The following USP37 variants were observed in gnomAD, a reference collection of about 807,000 sequenced individuals.
USP37 encodes the protein ubiquitin carboxyl-terminal hydrolase 37.
A neutral mutation model predicts 124.0 loss-of-function variants in USP37; 27 were observed. The ratio of observed to expected loss-of-function variants is 0.22; its 90% CI spans 0.16 to 0.30. USP37 has a LOEUF of 0.30. Ranked by LOEUF, USP37 falls within the 10% of genes least tolerant of loss-of-function variation. The pLI, the probability that USP37 is intolerant of heterozygous loss-of-function variation, is 1.00. For synonymous variants in USP37, 365 were observed against 388.0 expected (o/e 0.94, Z 0.70); for missense variants, 889 against 1,140.4 (o/e 0.78, Z 3.17).
rs1177602700 is a variant in USP37 at position 218,453,467 on chromosome 2, T to C, written c.*1463A>G. ...AGAACTAAAGAATAATCCCCTTGTT[T>C]ATAATAAAAGAAAAAACACGAAAGA... On this transcript the variant is annotated 3_prime_UTR_variant, in exon 26 of 26. Transcript: ENST00000258399. 6.6e-6 allele frequency: 1 copy of C among 152,144 alleles called. No individual in the cohort carries two copies. Among genetic ancestry groups the C allele is most frequent in the Non-Finnish European group, 1.5e-5 (1 of 68,032 alleles). The allele number at this position is 152,144 out of a possible 1,614,324, so 9.4% of individuals were successfully genotyped here.
intron 8 of USP37, among the ~76,000 whole-genome samples, chr2:218,539,602 C>A (rs1349598769): frequency 2.0e-5 from 3 of 152,018 alleles, no homozygotes; most frequent in African/African-American, 7.2e-5. Context: ...GTAGTCCCAG[C>A]TGCCTGGGAG....
chr2:218,548,882 T>C (rs971606151), intron 6 of USP37, among the ~76,000 whole-genome samples: 5 of 152,194 alleles, frequency 3.3e-5, no homozygotes, highest in African/African-American at 7.2e-5. Context: ...TTAACACTTA[T>C]GCATTTAAAT....
Position 218,555,217 on chromosome 2 carries a change from G to C in USP37, c.157-1493C>G, listed in dbSNP as rs185227553. Among the ~76,000 whole-genome samples, 7 of 152,202 alleles carry C rather than the reference G, an allele frequency of 4.6e-5. No homozygotes were observed. The East Asian group carries it at 1.4e-3, about 29-fold the overall frequency. The stretch of plus-strand genomic sequence containing the variant: ...ATGTTCTCAGCAGGCATATATAAAA[G>C]TTTCTAAACTGCCTTTTACTGAAGA... On this transcript the variant is annotated intron_variant, in intron 4 of 25. Transcript: ENST00000258399.
chr2:218,544,520 A>T (rs1291448818), intron 8 of USP37, among the ~76,000 whole-genome samples: 2 of 149,628 alleles, frequency 1.3e-5, no homozygotes, highest in African/African-American at 2.5e-5. Context: ...AACTTGGATG[A>T]AGCAGGCTAT....
intron 5 of USP37, 75 bp downstream of exon 5, chr2:218,553,478 T>C: frequency 7.4e-7 from 1 of 1,352,166 alleles, no homozygotes; most frequent in Non-Finnish European, 9.9e-7. Flanking sequence ...ATGAATTCAG[T>C]TGAATATTGG....
chr2:218,467,129 T>C (rs987758399), intron 20 of USP37, among the ~76,000 whole-genome samples: 3 of 152,018 alleles, frequency 2.0e-5, no homozygotes, highest in Admixed American at 6.6e-5. Context: ...TATGGCAATA[T>C]ACAGTGTGTG....
rs778271828 is a variant in USP37, at chr2:218,485,741, G to C, written c.1593C>G (p.Ala531=). 4 of 1,607,756 alleles carry C rather than the reference G, an allele frequency of 2.5e-6. No homozygotes were observed. The highest frequency in any genetic ancestry group is 3.4e-6 in the Non-Finnish European group (4 of 1,178,470). The change falls in exon 16 of 26, where the codon GCC becomes GCG. Residue 531 remains alanine, a splice_region_variant and synonymous_variant. Coordinates refer to ENST00000258399, the MANE Select transcript of USP37 (RefSeq NM_020935.3). ...IQDSLDLFFR[A]EELEYSCEKC... is the part of the protein sequence containing the mutation. ...TCTCACAAGAATACTCCAGTTCTTCGGCCTATAAAAAGAAGGAAAAATAAA... is the reference window on the plus strand; with the variant it reads ...TCTCACAAGAATACTCCAGTTCTTCCGCCTATAAAAAGAAGGAAAAATAAA...
rs750321938 is a variant in USP37 at position 218,547,002 on chromosome 2, A to G, written c.519T>C (p.Thr173=). The change falls in exon 7 of 26, where the codon ACT becomes ACC. Residue 173 remains threonine (T), a synonymous_variant. Coordinates refer to ENST00000258399, the MANE Select transcript of USP37 (RefSeq NM_020935.3). Reference sequence around the variant, plus strand: ...TCCGAGCTATTCCACTTCCTGCTACAGTCTTAATCGATCCTCTACCCGGAT... The same window carrying G: ...TCCGAGCTATTCCACTTCCTGCTACGGTCTTAATCGATCCTCTACCCGGAT... ...LGNPGRGSIK[T]VAGSGIARTI... 10 of 1,613,744 alleles carry G rather than the reference A, an allele frequency of 6.2e-6. No individual in the cohort carries two copies. Among genetic ancestry groups the G allele is most frequent in the Non-Finnish European group, 7.6e-6 (9 of 1,179,944 alleles).
In USP37 at chr2:218,546,920, G is replaced by A. The variant is rs1038419666; in HGVS notation, c.601C>T (p.Arg201Cys). The A allele has an allele frequency of 3.1e-6, 5 of 1,606,446 alleles. No individual in the cohort carries two copies. The highest frequency in any genetic ancestry group is 1.3e-5 in the African/African-American group (1 of 74,408). The change falls in exon 7 of 26, where the codon CGT becomes TGT. Residue 201 changes from arginine (R) to cysteine (C), a missense_variant and splice_region_variant. Arg to Cys is a radical substitution (Grantham distance 180, BLOSUM62 -3). Coordinates refer to ENST00000258399, the MANE Select transcript of USP37 (RefSeq NM_020935.3). The stretch of plus-strand genomic sequence containing the variant: ...GACTAAGAAAAAAGTCTCTCCTACC[G>A]ATTTTCTAGCAACCCTGATCTAAGA... ...TPLRSGLLENRTEKRKRMIST... is the reference protein window; with the variant it reads ...TPLRSGLLENCTEKRKRMIST...
chr2:218,549,974 T>C, intron 5 of USP37, 65 bp from the exon 6 acceptor site: 1 of 1,221,812 alleles, frequency 8.2e-7, no homozygotes, highest in South Asian at 1.6e-5. Flanking sequence ...AAAAGATTTA[T>C]CATTATTATT....
intron 14 of USP37, among the ~76,000 whole-genome samples, chr2:218,493,486 T>C (rs922629573): frequency 6.6e-6 from 1 of 152,080 alleles, no homozygotes; most frequent in Non-Finnish European, 1.5e-5. Flanking sequence ...TCTTTCTTTT[T>C]TTGAGATGGA....
At chr2:218,520,174 G>A (rs1197802913) in intron 10 of USP37, among the ~76,000 whole-genome samples, 2 of 151,648 alleles carry the variant, frequency 1.3e-5, no homozygotes, top group Admixed American at 6.6e-5. Context: ...CTGACCTCAT[G>A]TGATCCACCC....
In USP37 at chr2:218,462,731, T is replaced by G. The variant is rs76452591; in HGVS notation, c.2527+575A>C. ...ATTAAAAAACATATTGTTAGAGATA[T>G]GGGTATAGATGACAAAAATTATTTT... On this transcript the variant is annotated intron_variant, in intron 22 of 25. Coordinates refer to ENST00000258399, the MANE Select transcript of USP37 (RefSeq NM_020935.3). 1.6e-4 allele frequency among the ~76,000 whole-genome samples: 25 copies of G among 152,124 alleles called. No individual in the cohort carries two copies. In the East Asian group the frequency reaches 4.8e-3, roughly 29 times the overall value.
chr2:218,461,966 G>C (rs1559161475), intron 22 of USP37, among the ~76,000 whole-genome samples: 1 of 152,176 alleles, frequency 6.6e-6, no homozygotes, highest in African/African-American at 2.4e-5. Context: ...AGACCTGCCT[G>C]GCCAACATGG....
In USP37 at chr2:218,454,632, C is replaced by G. The variant is rs865998188; in HGVS notation, c.*298G>C. 4.1e-5 allele frequency: 11 copies of G among 269,142 alleles called. No homozygotes were observed. Among genetic ancestry groups the G allele is most frequent in the Non-Finnish European group, 6.1e-5 (9 of 146,386 alleles). 16.7% of individuals were successfully genotyped at this position (269,142 alleles called of 1,614,324 possible). A position where few individuals can be genotyped will look rare whatever the true frequency, so the allele number is the denominator to read the frequency against. On this transcript the variant is annotated 3_prime_UTR_variant, in exon 26 of 26. Transcript: ENST00000258399. ...TCATCCCGTGTGTGTGTGTGTGTGT[C>G]TGTGTGTGTGTATACACACATACAC...
rs377397246 is a variant in USP37, at chr2:218,544,430, T to TATAGAG, written c.680+1790_680+1791insCTCTAT. Among the ~76,000 whole-genome samples, 124 of 50,800 alleles carry TATAGAG rather than the reference T, an allele frequency of 2.4e-3. 1 individual carries two copies. Among genetic ancestry groups the TATAGAG allele is most frequent in the African/African-American group, 9.2e-3 (69 of 7,504 alleles). 33.3% of individuals were successfully genotyped at this position (50,800 alleles called of 152,430 possible). On this transcript the variant is annotated intron_variant, in intron 8 of 25. Transcript: ENST00000258399. ...AAATATATATATATATATATATATA[T>TATAGAG]AGAGAGAGAGAGAGAGAGAGAGAGA...
chr2:218,511,502 G>A (rs1689993927), intron 10 of USP37, among the ~76,000 whole-genome samples: 1 of 152,148 alleles, frequency 6.6e-6, no homozygotes, highest in Non-Finnish European at 1.5e-5. Flanking sequence ...TAGAAACGGG[G>A]TTTCACCATG....
At chr2:218,470,296 A>G (rs906607182) in intron 20 of USP37, among the ~76,000 whole-genome samples, 2 of 152,150 alleles carry the variant, frequency 1.3e-5, no homozygotes, top group Non-Finnish European at 2.9e-5. Context: ...CACTCCTCAC[A>G]TAAGATAAAT....
At chr2:218,541,354 C>T (rs770051677) in intron 8 of USP37, among the ~76,000 whole-genome samples, 4 of 152,210 alleles carry the variant, frequency 2.6e-5, no homozygotes, top group South Asian at 2.1e-4. Flanking sequence ...GTAAGGAAGA[C>T]GGGTTGCTGC....
Sources: gnomAD v4.1 joint callset for allele counts (sites outside exome capture counted in the v4.1 genomes callset) on GRCh38, gnomAD v4.1.1 for gene constraint, MANE v1.5 for transcripts, NCBI Gene and HGNC (gene_info 2026-07-23, HGNC 2026-07-21) for gene names.